The following ZNF441 variants were observed in gnomAD, a reference collection of about 807,000 sequenced individuals.
ZNF441 encodes the protein zinc finger protein 441.
A neutral mutation model predicts 64.5 loss-of-function variants in ZNF441; 25 were observed. That is an observed-to-expected ratio of 0.39 (90% CI 0.28 to 0.54). ZNF441 has a LOEUF of 0.54. Among genes scored for constraint, ZNF441 ranks in the 20% least tolerant of loss-of-function variants. The pLI is 0.70. For missense variants in ZNF441, 715 were observed against 843.3 expected, an observed-to-expected ratio of 0.85 and a Z score of 1.88; for synonymous variants, 262 against 268.0, an observed-to-expected ratio of 0.98 and a Z score of 0.22.
intron 3 of ZNF441, 127 bp from the exon 4 acceptor site, chr19:11,779,892 C>T (rs1490300130): frequency 4.8e-6 from 4 of 838,144 alleles, no homozygotes; most frequent in Non-Finnish European, 5.3e-6. Flanking sequence ...GCCTGGGCAA[C>T]AGAGCGAGAA....
chr19:11,767,290 CGGCGACACCCT>C lies in ZNF441; in HGVS notation c.3+99_3+109del. Reference sequence around the variant, plus strand: ...TGTGGTGGCACCAGGTCTTCCCCGCCGGCGACACCCTGGCGCAGCTCGGCCCTCGGTTCCCT... The same window carrying C: ...TGTGGTGGCACCAGGTCTTCCCCGCCGGCGCAGCTCGGCCCTCGGTTCCCT... On this transcript the variant is annotated intron_variant, in intron 1 of 3. Coordinates refer to ENST00000357901, the MANE Select transcript of ZNF441 (RefSeq NM_152355.3). This position sits in a 1 kb window ranked among gnomAD's most constrained non-coding sequence, Gnocchi z 5.1. The C allele has an allele frequency of 2.3e-5, 35 of 1,531,342 alleles. No individual in the cohort carries two copies. In the South Asian group the frequency reaches 4.2e-4, roughly 18 times the overall value. The allele number at this position is 1,531,342 out of a possible 1,614,324, so 94.9% of individuals were successfully genotyped here. A position where few individuals can be genotyped will look rare whatever the true frequency, so the allele number is the denominator to read the frequency against.
In ZNF441 at chr19:11,782,027, C is replaced by A. The variant is rs1015328354; in HGVS notation, c.*121C>A. On this transcript the variant is annotated 3_prime_UTR_variant, in exon 4 of 4. Transcript: ENST00000357901. The stretch of plus-strand genomic sequence containing the variant: ...GAATATAAAAATGTACTAAAACCTT[C>A]CATTTTTTTCAGTACCTTTTGAAAA... 2 of 738,970 alleles carry A rather than the reference C, an allele frequency of 2.7e-6. No homozygotes were observed. The highest frequency in any genetic ancestry group is 2.9e-5 in the East Asian group (1 of 34,688). 45.8% of individuals were successfully genotyped at this position (738,970 alleles called of 1,614,324 possible).
At position 11,781,866 on chromosome 19, in the gene ZNF441, A is replaced by T. The variant is rs1568482286; in HGVS notation, c.2042A>T (p.His681Leu). The T allele has an allele frequency of 6.2e-7, 1 of 1,606,722 alleles. No individual in the cohort carries two copies. The highest frequency in any genetic ancestry group is 8.5e-7 in the Non-Finnish European group (1 of 1,175,258). Residue 681 changes from histidine (H) to leucine (L), a missense_variant, in exon 4 of 4, where the codon CAT (histidine) becomes CTT (leucine). His to Leu is a moderately conservative substitution (Grantham distance 99). Around this residue, in one of 2 missense-constraint regions of ZNF441, gnomAD observed 316 missense variants for 429.3 expected, o/e 0.74. Transcript: ENST00000357901. ...TGTAAAGAATGTGGGGAAGCATTTC[A>T]TTGTATCAGTTCCTTTCATAAACAT... ...YKCKECGEAF[H>L]CISSFHKHEM...
intron 1 of ZNF441, among the ~76,000 whole-genome samples, chr19:11,776,261 T>C (rs942666555): frequency 4.1e-4 from 63 of 152,290 alleles, no homozygotes; most frequent in Middle Eastern, 6.8e-3. Flanking sequence ...CTGGTGCTGA[T>C]GTGAGGAGGG....
At position 11,780,728 on chromosome 19, in the gene ZNF441, C is replaced by T; in HGVS notation, c.904C>T (p.His302Tyr). 1.9e-6 allele frequency: 3 copies of T among 1,614,186 alleles called. No homozygotes were observed. Among genetic ancestry groups the T allele is most frequent in the Non-Finnish European group, 2.5e-6 (3 of 1,180,024 alleles). The change falls in exon 4 of 4, where the codon CAC becomes TAC. Residue 302 changes from histidine to tyrosine, a missense_variant. Physicochemically the swap from His to Tyr is moderately conservative, Grantham distance 83. Transcript: ENST00000357901. The part of the protein sequence containing the change: ...LGSFQRHMIV[H>Y]TGDGPHKCKI... ...AAGCTTTCAAAGACACATGATAGTGCACACTGGAGATGGGCCTCATAAATG... is the reference window on the plus strand; with the variant it reads ...AAGCTTTCAAAGACACATGATAGTGTACACTGGAGATGGGCCTCATAAATG...
intron 1 of ZNF441, among the ~76,000 whole-genome samples, chr19:11,773,124 A>G (rs1352624062): frequency 5.9e-5 from 9 of 152,096 alleles, no homozygotes; most frequent in African/African-American, 1.9e-4. Context: ...TTCTAAGCAC[A>G]TTCTAAAAAT....
chr19:11,771,813 G>C (rs1383987726), intron 1 of ZNF441, among the ~76,000 whole-genome samples: 3 of 152,220 alleles, frequency 2.0e-5, no homozygotes, highest in African/African-American at 7.2e-5. Context: ...CTACTTAGCA[G>C]ACCGGGAAAG....
At position 11,780,803 on chromosome 19, in the gene ZNF441, A is replaced by G. The variant is rs565649722; in HGVS notation, c.979A>G (p.Lys327Glu). The part of the protein sequence containing the change: ...FLSPSSVRRH[K>E]RTHTGEKPYE... ...TTCTCCCAGTTCAGTTCGAAGACATAAAAGAACTCACACTGGAGAGAAACC... is the reference window on the plus strand; with the variant it reads ...TTCTCCCAGTTCAGTTCGAAGACATGAAAGAACTCACACTGGAGAGAAACC... Residue 327 changes from lysine to glutamate, a missense_variant, in exon 4 of 4, where the codon AAA becomes GAA. Lys to Glu is a moderately conservative substitution (Grantham distance 56). This residue lies in a region of ZNF441 where 399 missense variants were observed against 413.9 expected (regional missense o/e 0.96). Coordinates refer to ENST00000357901, the MANE Select transcript of ZNF441 (RefSeq NM_152355.3). 6 of 1,614,000 alleles carry G rather than the reference A, an allele frequency of 3.7e-6. No homozygotes were observed. Among genetic ancestry groups the G allele is most frequent in the East Asian group, 4.5e-5 (2 of 44,856 alleles).
chr19:11,781,904 TA>T lies in ZNF441; in HGVS notation c.2081del (p.Ter694=), dbSNP rs1396991010. ...CTTTCATAAACATGAAATGACTCAC[TA>T]GAGAAAACCCCTATGAGTGTTGAAC... ...SSFHKHEMTH* is the reference protein window; with the variant it reads ...SSFHKHEMTHX On this transcript the variant is annotated frameshift_variant and stop_lost, in exon 4 of 4. Transcript: ENST00000357901. LOFTEE classifies it high-confidence loss of function. 2 of 1,582,344 alleles carry T rather than the reference TA, an allele frequency of 1.3e-6. No homozygotes were observed. Among genetic ancestry groups the T allele is most frequent in the South Asian group, 2.3e-5 (2 of 87,850 alleles).
In ZNF441 at chr19:11,767,073, C is replaced by T; in HGVS notation, c.-121C>T. 1 of 1,479,996 alleles carries T rather than the reference C, an allele frequency of 6.8e-7. No individual in the cohort carries two copies. The highest frequency in any genetic ancestry group is 9.2e-7 in the Non-Finnish European group (1 of 1,086,068). The allele number at this position is 1,479,996 out of a possible 1,614,324, so 91.7% of individuals were successfully genotyped here. ...GCCGAGTCTTCTCCACGCCCCTGCACTGGGCTCCGGGTTCTGTCACTGAGA... is the reference window on the plus strand; with the variant it reads ...GCCGAGTCTTCTCCACGCCCCTGCATTGGGCTCCGGGTTCTGTCACTGAGA... On this transcript the variant is annotated 5_prime_UTR_variant, in exon 1 of 4. Coordinates refer to ENST00000357901, the MANE Select transcript of ZNF441 (RefSeq NM_152355.3). This position sits in a 1 kb window ranked among gnomAD's most constrained non-coding sequence, Gnocchi z 5.1.
At chr19:11,769,659 C>G (rs61318047) in intron 1 of ZNF441, among the ~76,000 whole-genome samples, 22,887 of 151,744 alleles carry the variant, frequency 0.15, 3,664 homozygotes, top group African/African-American at 0.39. Flanking sequence ...CAGTTGTCTA[C>G]TAAAGGACTC....
intron 1 of ZNF441, among the ~76,000 whole-genome samples, chr19:11,776,913 A>G (rs931115123): frequency 6.6e-6 from 1 of 151,992 alleles, no homozygotes; most frequent in Admixed American, 6.5e-5. Flanking sequence ...GGTTCAAGCA[A>G]TTCTCCTGCC....
rs369997227 is a variant in ZNF441 at position 11,781,561 on chromosome 19, A to G, written c.1737A>G (p.Ile579Met). 11 of 1,614,106 alleles carry G rather than the reference A, an allele frequency of 6.8e-6. No individual in the cohort carries two copies. Among genetic ancestry groups the G allele is most frequent in the East Asian group, 4.5e-5 (2 of 44,872 alleles). Reference sequence around the variant, plus strand: ...TCTCAAGCTTTCGAAGACACATGATAACACATACTGGAAATGGACCTCATA... The same window carrying G: ...TCTCAAGCTTTCGAAGACACATGATGACACATACTGGAAATGGACCTCATA... ...SDLSSFRRHM[I>M]THTGNGPHKC... is the part of the protein sequence containing the mutation. The change falls in exon 4 of 4, where the codon ATA becomes ATG. Residue 579 changes from isoleucine (I) to methionine (M), a missense_variant. Physicochemically the swap from Ile to Met is conservative, Grantham distance 10 (BLOSUM62 1). This residue lies in a region of ZNF441 where 316 missense variants were observed against 429.3 expected (regional missense o/e 0.74). Transcript: ENST00000357901.
intron 1 of ZNF441, among the ~76,000 whole-genome samples, chr19:11,777,303 T>C (rs1975362948): frequency 6.6e-6 from 1 of 152,058 alleles, no homozygotes; most frequent in East Asian, 1.9e-4. Flanking sequence ...TAGGACTTTG[T>C]CATGACAAGA....
At position 11,780,925 on chromosome 19, in the gene ZNF441, G is replaced by T. The variant is rs201058111; in HGVS notation, c.1101G>T (p.Lys367Asn). The change falls in exon 4 of 4, where the codon AAG becomes AAT. Residue 367 changes from lysine to asparagine, a missense_variant. Physicochemically the swap from Lys to Asn is moderately conservative, Grantham distance 94. Coordinates refer to ENST00000357901, the MANE Select transcript of ZNF441 (RefSeq NM_152355.3). Reference sequence around the variant, plus strand: ...CTGGAGATGGACCTCATAAATGCAAGGTATGTGGGAAAGCCTTTGATTCTC... The same window carrying T: ...CTGGAGATGGACCTCATAAATGCAATGTATGTGGGAAAGCCTTTGATTCTC... ...THTGDGPHKC[K>N]VCGKAFDSPS... 6.2e-7 allele frequency: 1 copy of T among 1,613,904 alleles called. No homozygotes were observed. The highest frequency in any genetic ancestry group is 8.5e-7 in the Non-Finnish European group (1 of 1,179,978).
Position 11,781,942 on chromosome 19 carries a change from C to T in ZNF441, c.*36C>T. 1 of 1,481,260 alleles carries T rather than the reference C, an allele frequency of 6.8e-7. No individual in the cohort carries two copies. Among genetic ancestry groups the T allele is most frequent in the Non-Finnish European group, 9.0e-7 (1 of 1,107,166 alleles). The allele number at this position is 1,481,260 out of a possible 1,614,324, so 91.8% of individuals were successfully genotyped here. ...TATGAGTGTTGAACATGTGAGAAAG[C>T]CTTAAGTACTTTCAGCTTCTTACAA... On this transcript the variant is annotated 3_prime_UTR_variant, in exon 4 of 4. Transcript: ENST00000357901.
Position 11,780,569 on chromosome 19 carries a change from G to A in ZNF441, c.745G>A (p.Glu249Lys), listed in dbSNP as rs745319214. 4.3e-6 allele frequency: 7 copies of A among 1,614,184 alleles called. No individual in the cohort carries two copies. Among genetic ancestry groups the A allele is most frequent in the Non-Finnish European group, 5.1e-6 (6 of 1,180,030 alleles). Residue 249 changes from glutamate (E) to lysine (K), a missense_variant, in exon 4 of 4, where the codon GAG (glutamate) becomes AAG (lysine). Transcript: ENST00000357901. ...AAGACATGAAAGAACACACAGTGGA[G>A]AGAAACCCTATCAATGTAAACAATG... ...TLRHERTHSG[E>K]KPYQCKQCGK...
In ZNF441 at chr19:11,781,858, A is replaced by G; in HGVS notation, c.2034A>G (p.Glu678=). Residue 678 remains glutamate (E), a synonymous_variant, in exon 4 of 4, where the codon GAA becomes GAG. Transcript: ENST00000357901. ...CCTATAAGTGTAAAGAATGTGGGGA[A>G]GCATTTCATTGTATCAGTTCCTTTC... ...EKPYKCKECG[E]AFHCISSFHK... 1.2e-6 allele frequency: 2 copies of G among 1,608,110 alleles called. No individual in the cohort carries two copies. The highest frequency in any genetic ancestry group is 1.7e-6 in the Non-Finnish European group (2 of 1,176,152).
intron 1 of ZNF441, among the ~76,000 whole-genome samples, chr19:11,773,005 A>T (rs1975326973): frequency 6.6e-6 from 1 of 152,236 alleles, no homozygotes; most frequent in East Asian, 1.9e-4. Flanking sequence ...GTTAACGAGG[A>T]TAGTCTCAAT....
Sources: gnomAD v4.1 joint callset for allele counts (sites outside exome capture counted in the v4.1 genomes callset) on GRCh38, gnomAD v4.1.1 for gene constraint, gnomAD v4.1.1 regional missense constraint, Gnocchi (gnomAD v3.1) non-coding constraint, MANE v1.5 for transcripts, NCBI Gene and HGNC (gene_info 2026-07-23, HGNC 2026-07-21) for gene names.